Variants in ADCY9 observed in about 807,000 individuals in gnomAD.
The protein encoded by ADCY9 is adenylate cyclase 9.
Under a neutral mutation model 101.5 loss-of-function variants are expected in ADCY9, and 50 were observed. The ratio of observed to expected loss-of-function variants is 0.49; its 90% CI spans 0.39 to 0.62. The LOEUF is 0.62. Ranked by LOEUF, ADCY9 falls within the 20% of genes least tolerant of loss-of-function variation. ADCY9 has a pLI of 0.00. For synonymous variants in ADCY9, 905 were observed against 769.3 expected (o/e 1.18, Z -2.92); for missense variants, 1,662 against 1,800.4 (o/e 0.92, Z 1.39).
chr16:4,056,719 T>C (rs1349462628), intron 2 of ADCY9, among the ~76,000 whole-genome samples: 1 of 152,228 alleles, frequency 6.6e-6, no homozygotes, highest in African/African-American at 2.4e-5. Flanking sequence ...CTCTGCATCA[T>C]GGGCACTCAG....
intron 2 of ADCY9, among the ~76,000 whole-genome samples, chr16:4,105,051 A>G (rs1207180108): frequency 6.0e-5 from 2 of 33,370 alleles, no homozygotes; most frequent in Non-Finnish European, 1.4e-4. Context: ...TGTGGGCAAC[A>G]AGAGGGAAAA....
intron 2 of ADCY9, among the ~76,000 whole-genome samples, chr16:4,091,223 G>T (rs543174410): frequency 1.3e-5 from 2 of 152,128 alleles, no homozygotes; most frequent in Non-Finnish European, 2.9e-5. Context: ...ATAAGCACGC[G>T]CCATGATGCG....
intron 2 of ADCY9, among the ~76,000 whole-genome samples, chr16:4,017,620 G>A (rs1333458781): frequency 4.7e-5 from 7 of 149,268 alleles, no homozygotes; most frequent in African/African-American, 7.4e-5. Context: ...CTCCAGCCTG[G>A]GCAGCAGAGT....
At chr16:4,030,962 A>G (rs1362697213) in intron 2 of ADCY9, among the ~76,000 whole-genome samples, 2 of 152,164 alleles carry the variant, frequency 1.3e-5, no homozygotes, top group Non-Finnish European at 2.9e-5. Context: ...CTTCAATGCA[A>G]AATTTATTTT....
At chr16:4,047,983 C>T (rs2141145554) in intron 2 of ADCY9, among the ~76,000 whole-genome samples, 1 of 152,298 alleles carries the variant, frequency 6.6e-6, no homozygotes, top group South Asian at 2.1e-4. Flanking sequence ...TGACGCTCTG[C>T]CGTGACCCAC....
chr16:3,986,755 G>A (rs1273322940), intron 6 of ADCY9, among the ~76,000 whole-genome samples: 5 of 152,168 alleles, frequency 3.3e-5, no homozygotes, highest in African/African-American at 7.2e-5. Context: ...ACCGCGCCCG[G>A]CCATGTTTTT....
chr16:3,983,197 C>T (rs1025613098), intron 7 of ADCY9, 35 bp downstream of exon 7: 3 of 1,529,896 alleles, frequency 2.0e-6, no homozygotes, highest in Admixed American at 2.0e-5. Context: ...GAGCTAACGG[C>T]TCAGAGCTGG....
intron 5 of ADCY9, among the ~76,000 whole-genome samples, chr16:3,956,488 C>CTTTTTTTGTTT (rs2055906621): frequency 1.5e-5 from 1 of 68,762 alleles, no homozygotes; most frequent in South Asian, 6.0e-4. Context: ...GCGCAATGAG[C>CTTTTTTTGTTT]TTTTTTTTTT....
Position 4,113,154 on chromosome 16 carries a change from G to C in ADCY9, c.1693+596C>G, listed in dbSNP as rs1348850660. 4.7e-5 allele frequency among the ~76,000 whole-genome samples: 7 copies of C among 149,936 alleles called. No individual in the cohort carries two copies. The East Asian group carries it at 1.2e-3, about 25-fold the overall frequency. ...CTTAAACAAATGATGGCTGAAAGCT[G>C]AAAATGCAAACTTTTTTTAAAAAAA... On this transcript the variant is annotated intron_variant, in intron 2 of 10. Transcript: ENST00000294016.
intron 2 of ADCY9, among the ~76,000 whole-genome samples, chr16:4,050,224 A>T (rs988456711): frequency 3.9e-5 from 6 of 152,090 alleles, no homozygotes; most frequent in Admixed American, 1.3e-4. Flanking sequence ...GTTAGAAAAG[A>T]GGGGCACAGC....
chr16:4,026,425 C>CAA (rs34756033), intron 2 of ADCY9, among the ~76,000 whole-genome samples: 1,154 of 97,194 alleles, frequency 0.012, 32 homozygotes, highest in Admixed American at 0.017. Flanking sequence ...GACTCCGTCT[C>CAA]AAAAAAAAAA....
At position 4,114,908 on chromosome 16, in the gene ADCY9, G is replaced by C. The variant is rs774854033; in HGVS notation, c.535C>G (p.Leu179Val). The C allele has an allele frequency of 5.0e-6, 8 of 1,613,776 alleles. No individual in the cohort carries two copies. The Admixed American group carries it at 1.0e-4, about 20-fold the overall frequency. ...GTCAGGGCGAACACCAGCAGGGTGA[G>C]AGCCAGCGAGGTCCACGCGTAATGC... Reference protein sequence around the residue: ...ARHYAWTSLALTLLVFALTLA... With the variant: ...ARHYAWTSLAVTLLVFALTLA... The change falls in exon 2 of 11, where the codon CTC (leucine) becomes GTC (valine). Residue 179 changes from leucine (L) to valine (V), a missense_variant. Coordinates refer to ENST00000294016, the MANE Select transcript of ADCY9 (RefSeq NM_001116.4). The surrounding 1 kb of genome is among the most constrained non-coding windows in gnomAD (Gnocchi z 4.3).
At chr16:4,057,176 T>A (rs1383938981) in intron 2 of ADCY9, among the ~76,000 whole-genome samples, 2 of 152,178 alleles carry the variant, frequency 1.3e-5, no homozygotes, top group African/African-American at 4.8e-5. Context: ...CGTCTGGTTC[T>A]GTTGCCTAGG....
chr16:4,026,430 A>AG (rs1228903109), intron 2 of ADCY9, among the ~76,000 whole-genome samples: 1 of 151,498 alleles, frequency 6.6e-6, no homozygotes, highest in Non-Finnish European at 1.5e-5. Context: ...CGTCTCAAAA[A>AG]AAAAAAAAAA....
At chr16:4,064,803 C>CA (rs796766739) in intron 2 of ADCY9, among the ~76,000 whole-genome samples, 71 of 144,146 alleles carry the variant, frequency 4.9e-4, no homozygotes, top group African/African-American at 1.1e-3. Context: ...TGTTTGCTTA[C>CA]AAAAAAAAAA....
At chr16:4,103,107 A>T (rs1249219534) in intron 2 of ADCY9, among the ~76,000 whole-genome samples, 1 of 152,278 alleles carries the variant, frequency 6.6e-6, no homozygotes, top group Non-Finnish European at 1.5e-5. Context: ...TTTGTAAGAA[A>T]AGGTCAATGT....
rs1044410387 is a variant in ADCY9 at position 3,970,039 on chromosome 16, C to T, written c.2871-3073G>A. Among the ~76,000 whole-genome samples, 3 of 152,108 alleles carry T rather than the reference C, an allele frequency of 2.0e-5. No individual in the cohort carries two copies. The South Asian group carries it at 6.2e-4, about 32-fold the overall frequency. On this transcript the variant is annotated intron_variant, in intron 10 of 10. Coordinates refer to ENST00000294016, the MANE Select transcript of ADCY9 (RefSeq NM_001116.4). Reference sequence around the variant, plus strand: ...CTAGTCTTTTTCTTTTTTACAACACCGTGACTGTTCTGTTCATGTAAATGC... The same window carrying T: ...CTAGTCTTTTTCTTTTTTACAACACTGTGACTGTTCTGTTCATGTAAATGC...
chr16:4,095,715 G>A (rs749311135), intron 2 of ADCY9, among the ~76,000 whole-genome samples: 8 of 152,084 alleles, frequency 5.3e-5, no homozygotes, highest in South Asian at 2.1e-4. Context: ...CATGGGTCAC[G>A]CCTGTAATCA....
At chr16:4,106,691 C>T (rs185173013) in intron 2 of ADCY9, among the ~76,000 whole-genome samples, 1 of 152,192 alleles carries the variant, frequency 6.6e-6, no homozygotes, top group African/African-American at 2.4e-5. Context: ...AATCACCAAC[C>T]AAGACAAAGA....
Sources: gnomAD v4.1 joint callset for allele counts (sites outside exome capture counted in the v4.1 genomes callset) on GRCh38, gnomAD v4.1.1 for gene constraint, Gnocchi (gnomAD v3.1) non-coding constraint, MANE v1.5 for transcripts, NCBI Gene and HGNC (gene_info 2026-07-23, HGNC 2026-07-21) for gene names.